The following KCNN1 variants were observed in gnomAD, a reference collection of about 807,000 sequenced individuals.
KCNN1 encodes potassium calcium-activated channel subfamily N member 1, also known as small conductance calcium-activated potassium channel protein 1.
Under a neutral mutation model 44.7 loss-of-function variants are expected in KCNN1, and 20 were observed. That is an observed-to-expected ratio of 0.45 (90% CI 0.32 to 0.65). The LOEUF is 0.65. Ranked by LOEUF, KCNN1 falls within the 30% of genes least tolerant of loss-of-function variation. KCNN1 has a pLI of 0.05. For missense variants in KCNN1, 632 were observed against 785.3 expected, an observed-to-expected ratio of 0.80 and a Z score of 2.33; for synonymous variants, 324 against 341.7, an observed-to-expected ratio of 0.95 and a Z score of 0.57.
At chr19:17,985,497 A>G in intron 5 of KCNN1, 44 bp downstream of exon 5, 1 of 1,496,036 alleles carries the variant, frequency 6.7e-7, no homozygotes, top group Non-Finnish European at 9.0e-7. Flanking sequence ...AGGTCCAGCC[A>G]GCTGCCCGCT....
rs2032500096 is a variant in KCNN1 at position 17,983,716 on chromosome 19, G to C, written c.917+1589G>C. 6.6e-6 allele frequency among the ~76,000 whole-genome samples: 1 copy of C among 151,790 alleles called. No homozygotes were observed. Among genetic ancestry groups the C allele is most frequent in the East Asian group, 1.9e-4 (1 of 5,158 alleles). Reference sequence around the variant, plus strand: ...ACCCCCGCCTCCCGCATGTCCCCCAGCCGTGCTCCTGGGTGGTCCCGCGGC... The same window carrying C: ...ACCCCCGCCTCCCGCATGTCCCCCACCCGTGCTCCTGGGTGGTCCCGCGGC... On this transcript the variant is annotated intron_variant, in intron 4 of 9. Coordinates refer to ENST00000684775, the MANE Select transcript of KCNN1 (RefSeq NM_001386974.1). The surrounding 1 kb of genome is among the most constrained non-coding windows in gnomAD (Gnocchi z 4.5).
At chr19:17,954,276 G>A (rs1462572925) in intron 1 of KCNN1, among the ~76,000 whole-genome samples, 1 of 152,126 alleles carries the variant, frequency 6.6e-6, no homozygotes, top group African/African-American at 2.4e-5. Flanking sequence ...GGCCAACACA[G>A]CAAAACCCCA....
At chr19:17,979,059 T>A (rs1158334881) in intron 3 of KCNN1, among the ~76,000 whole-genome samples, 7 of 140,402 alleles carry the variant, frequency 5.0e-5, no homozygotes, top group African/African-American at 1.9e-4. Flanking sequence ...AGACTCCCTC[T>A]CAAAACAAAA....
chr19:17,959,912 G>A lies in KCNN1; in HGVS notation c.-82+5231G>A, dbSNP rs367677829. 1.6e-4 allele frequency among the ~76,000 whole-genome samples: 24 copies of A among 151,686 alleles called. No individual in the cohort carries two copies. The East Asian group carries it at 3.2e-3, about 20-fold the overall frequency. ...AGCCTGGCCATCATGGTGAAACCCC[G>A]TCTCTACTAAAAATACAAAAATTAG... On this transcript the variant is annotated intron_variant, in intron 2 of 10. Coordinates refer to the KCNN1 transcript ENST00000222249.
At chr19:17,965,361 G>A (rs943695274), upstream of KCNN1, among the ~76,000 whole-genome samples, 1 of 152,134 alleles carries the variant, frequency 6.6e-6, no homozygotes, top group African/African-American at 2.4e-5. Flanking sequence ...TATGCTTCTC[G>A]TGGCTCAGGG....
chr19:17,982,253 C>A, intron 4 of KCNN1, 126 bp downstream of exon 4: 1 of 799,684 alleles, frequency 1.3e-6, no homozygotes, highest in Non-Finnish European at 1.9e-6. Flanking sequence ...GTCTCCCCGA[C>A]TGCAAGACAC....
rs529682812 is a variant in KCNN1 at position 17,983,669 on chromosome 19, C to G, written c.917+1542C>G. 9.9e-4 allele frequency among the ~76,000 whole-genome samples: 151 copies of G among 152,178 alleles called. 1 individual carries two copies. The highest frequency in any genetic ancestry group is 3.1e-4 in the Non-Finnish European group (21 of 67,976). ...GCCTGGCGACAATGCTTGAAGCCCC[C>G]TTGCCTGCCTCGCTCTGACCCACCC... On this transcript the variant is annotated intron_variant, in intron 4 of 9. Transcript: ENST00000684775. This position sits in a 1 kb window ranked among gnomAD's most constrained non-coding sequence, Gnocchi z 4.5.
chr19:17,963,401 C>T (rs1483250435), upstream of KCNN1, among the ~76,000 whole-genome samples: 3 of 151,850 alleles, frequency 2.0e-5, no homozygotes, highest in African/African-American at 7.3e-5. Flanking sequence ...CAACCTCCAC[C>T]TCCCAAGTTC....
rs376771442 is a variant in KCNN1 at position 17,981,726 on chromosome 19, C to T, written c.516C>T (p.Asn172=). The T allele has an allele frequency of 8.8e-5, 140 of 1,587,888 alleles. No homozygotes were observed. The highest frequency in any genetic ancestry group is 3.3e-4 in the Middle Eastern group (2 of 6,000). ...AREIQLFMVD[N]GADDWRIAMT... ...CTCCACAGCTGTTCATGGTGGACAA[C>T]GGGGCTGATGACTGGCGCATCGCCA... Residue 172 remains asparagine, a synonymous_variant, in exon 4 of 10, where the codon AAC becomes AAT. Coordinates refer to ENST00000684775, the MANE Select transcript of KCNN1 (RefSeq NM_001386974.1).
In KCNN1 at chr19:17,993,405, G is replaced by A. The variant is rs76288545; in HGVS notation, c.1308-85G>A. The A allele has an allele frequency of 3.3e-4, 320 of 976,660 alleles. 3 individuals are homozygous for A. The highest frequency in any genetic ancestry group is 3.1e-3 in the East Asian group (123 of 39,056). The allele number at this position is 976,660 out of a possible 1,614,324, so 60.5% of individuals were successfully genotyped here. A position where few individuals can be genotyped will look rare whatever the true frequency, so the allele number is the denominator to read the frequency against. On this transcript the variant is annotated intron_variant, in intron 8 of 9. Transcript: ENST00000684775. The surrounding 1 kb of genome is among the most constrained non-coding windows in gnomAD (Gnocchi z 4.5). ...TGATGCATGTCCCATAGGTGACCCC[G>A]GGTGGGTGCATGAAAGTCCCTGCCC...
rs777746633 is a variant in KCNN1, at chr19:17,982,062, C to T, written c.852C>T (p.Thr284=). 3.7e-6 allele frequency: 6 copies of T among 1,607,922 alleles called. No individual in the cohort carries two copies. The highest frequency in any genetic ancestry group is 4.5e-5 in the East Asian group (2 of 44,588). ...CACTCATGACCATCTGCCCCGGCAC[C>T]GTGCTGCTGGTCTTCAGCATCTCCT... ...MKTLMTICPG[T]VLLVFSISSW... is the part of the protein sequence containing the mutation. Residue 284 remains threonine, a synonymous_variant, in exon 4 of 10, where the codon ACC becomes ACT. Coordinates refer to ENST00000684775, the MANE Select transcript of KCNN1 (RefSeq NM_001386974.1).
At position 17,993,066 on chromosome 19, in the gene KCNN1, A is replaced by G. The variant is rs1248014051; in HGVS notation, c.1307+4A>G. ...CCGGTCCTGCCAGGGCTCAGAAGTA[A>G]GTGTTCTCCCAGGGGCTTGGTGGGG... On this transcript the variant is annotated splice_donor_region_variant and intron_variant, in intron 8 of 9. Coordinates refer to ENST00000684775, the MANE Select transcript of KCNN1 (RefSeq NM_001386974.1). The surrounding 1 kb of genome is among the most constrained non-coding windows in gnomAD (Gnocchi z 4.5). 6.2e-7 allele frequency: 1 copy of G among 1,613,632 alleles called. No homozygotes were observed. Among genetic ancestry groups the G allele is most frequent in the African/African-American group, 1.3e-5 (1 of 74,974 alleles).
intron 2 of KCNN1, among the ~76,000 whole-genome samples, chr19:17,955,266 A>G (rs980211054): frequency 1.3e-5 from 2 of 151,404 alleles, no homozygotes; most frequent in Admixed American, 6.6e-5. Context: ...TTAAAAAAAA[A>G]AAAAAGAAAA....
At chr19:17,990,412 G>C (rs892149196) in intron 7 of KCNN1, among the ~76,000 whole-genome samples, 1 of 150,500 alleles carries the variant, frequency 6.6e-6, no homozygotes, top group Non-Finnish European at 1.5e-5. Context: ...TGAGTCTGCA[G>C]GGTCAAGGCT....
intron 7 of KCNN1, among the ~76,000 whole-genome samples, chr19:17,990,498 A>G (rs1395698684): frequency 4.0e-5 from 6 of 150,842 alleles, no homozygotes; most frequent in Non-Finnish European, 7.4e-5. Flanking sequence ...AAAAAAAGAA[A>G]GAAAAGAAAA....
chr19:17,994,919 C>A (rs995948359), intron 9 of KCNN1, among the ~76,000 whole-genome samples: 1 of 152,234 alleles, frequency 6.6e-6, no homozygotes, highest in African/African-American at 2.4e-5. Flanking sequence ...TGCTTGAGAT[C>A]TTTGCAACAC....
chr19:17,984,646 T>C (rs1030336596), intron 4 of KCNN1, among the ~76,000 whole-genome samples: 3 of 152,074 alleles, frequency 2.0e-5, no homozygotes, highest in Non-Finnish European at 4.4e-5. Flanking sequence ...AGGCAGAACC[T>C]CTTTGCAGCC....
chr19:17,992,473 C>T (rs946038647), intron 7 of KCNN1, among the ~76,000 whole-genome samples: 3 of 152,036 alleles, frequency 2.0e-5, no homozygotes, highest in East Asian at 1.9e-4. Context: ...TGCTGGTGAG[C>T]GCTTGTAATT....
intron 2 of KCNN1, among the ~76,000 whole-genome samples, chr19:17,957,937 G>A (rs1350374107): frequency 2.0e-5 from 3 of 152,082 alleles, no homozygotes; most frequent in Non-Finnish European, 2.9e-5. Context: ...GGAAAAAAGT[G>A]GGCACATTCT....
Sources: gnomAD v4.1 joint callset for allele counts (sites outside exome capture counted in the v4.1 genomes callset) on GRCh38, gnomAD v4.1.1 for gene constraint, Gnocchi (gnomAD v3.1) non-coding constraint, MANE v1.5 for transcripts, NCBI Gene and HGNC (gene_info 2026-07-23, HGNC 2026-07-21) for gene names.